The following RYR3 variants were observed in gnomAD, a reference collection of about 807,000 sequenced individuals.
The protein encoded by RYR3 is brain ryanodine receptor-calcium release channel.
Under a neutral mutation model 584.3 loss-of-function variants are expected in RYR3, and 207 were observed. The observed-to-expected ratio is 0.35, with a 90% CI of 0.32 to 0.40. RYR3 has a LOEUF of 0.40. Among genes scored for constraint, RYR3 ranks in the 10% least tolerant of loss-of-function variants. The pLI, the probability that RYR3 is intolerant of heterozygous loss-of-function variation, is 1.00. For missense variants in RYR3, 5,616 were observed against 6,089.2 expected (o/e 0.92, Z 2.59); for synonymous variants, 2,416 against 2,248.5 (o/e 1.07, Z -2.11).
chr15:33,362,559 C>T (rs1481448399), intron 1 of RYR3, among the ~76,000 whole-genome samples: 1 of 152,162 alleles, frequency 6.6e-6, no homozygotes, highest in Non-Finnish European at 1.5e-5. Context: ...TTTATTGGTT[C>T]CCAGTGTCCT....
chr15:33,490,088 C>T (rs1361625555), intron 2 of RYR3, among the ~76,000 whole-genome samples: 2 of 152,176 alleles, frequency 1.3e-5, no homozygotes, highest in African/African-American at 4.8e-5. Flanking sequence ...ACAAAACACC[C>T]TTGGGAATTT....
intron 18 of RYR3, among the ~76,000 whole-genome samples, chr15:33,612,116 G>A (rs1454450288): frequency 6.6e-6 from 1 of 152,158 alleles, no homozygotes; most frequent in African/African-American, 2.4e-5. Flanking sequence ...AAACCTGAGA[G>A]GGGAGGGGTA....
intron 46 of RYR3, among the ~76,000 whole-genome samples, chr15:33,726,861 C>T (rs972991439): frequency 5.3e-5 from 8 of 152,228 alleles, no homozygotes; most frequent in Admixed American, 4.6e-4. Flanking sequence ...ATTGTATTCC[C>T]AACACACAAA....
At chr15:33,389,133 C>A (rs1053959406) in intron 1 of RYR3, among the ~76,000 whole-genome samples, 1 of 150,964 alleles carries the variant, frequency 6.6e-6, no homozygotes, top group African/African-American at 2.4e-5. Context: ...TATTAAATGA[C>A]GAGTTAATGG....
chr15:33,570,208 G>GT (rs2057950008), intron 12 of RYR3, among the ~76,000 whole-genome samples: 1 of 151,984 alleles, frequency 6.6e-6, no homozygotes, highest in Non-Finnish European at 1.5e-5. Context: ...AAATTTTAGC[G>GT]TTTACATTTA....
At chr15:33,488,628 A>G (rs549745334) in intron 2 of RYR3, among the ~76,000 whole-genome samples, 49 of 152,252 alleles carry the variant, frequency 3.2e-4, no homozygotes, top group Admixed American at 7.8e-4. Context: ...CAAGGCGGGC[A>G]GATCACAAGG....
At chr15:33,700,455 G>A (rs756583147) in intron 41 of RYR3, among the ~76,000 whole-genome samples, 7 of 152,232 alleles carry the variant, frequency 4.6e-5, no homozygotes, top group Non-Finnish European at 8.8e-5. Context: ...AGTTTCACGG[G>A]TTTTTATTTC....
intron 72 of RYR3, among the ~76,000 whole-genome samples, chr15:33,812,004 A>G (rs2076578939): frequency 6.6e-6 from 1 of 152,176 alleles, no homozygotes. Flanking sequence ...AGGAAAAAAA[A>G]GGCAATAAAA....
At chr15:33,612,102 A>T (rs2060223517) in intron 18 of RYR3, among the ~76,000 whole-genome samples, 1 of 152,238 alleles carries the variant, frequency 6.6e-6, no homozygotes, top group Non-Finnish European at 1.5e-5. Context: ...TCTAATAGAA[A>T]TGTAAACCTG....
intron 103 of RYR3, among the ~76,000 whole-genome samples, chr15:33,864,533 G>C (rs139530054): frequency 4.6e-5 from 7 of 152,184 alleles, no homozygotes; most frequent in South Asian, 2.1e-4. Context: ...AACGGAGTGA[G>C]AGACAGGCTA....
chr15:33,421,663 G>A (rs187767339), intron 1 of RYR3, among the ~76,000 whole-genome samples: 1 of 152,266 alleles, frequency 6.6e-6, no homozygotes, highest in Admixed American at 6.5e-5. Context: ...AAATAACCTA[G>A]GTCATGCTGA....
chr15:33,344,601 T>C (rs1470111036), intron 1 of RYR3, among the ~76,000 whole-genome samples: 1 of 152,200 alleles, frequency 6.6e-6, no homozygotes, highest in Non-Finnish European at 1.5e-5. Flanking sequence ...TTCTTAAGAC[T>C]ACCATGTTCA....
At chr15:33,410,639 T>G (rs1437341483) in intron 1 of RYR3, among the ~76,000 whole-genome samples, 3 of 152,202 alleles carry the variant, frequency 2.0e-5, no homozygotes, top group Non-Finnish European at 2.9e-5. Flanking sequence ...ATAAATGTCT[T>G]TCAGAGGATT....
intron 10 of RYR3, among the ~76,000 whole-genome samples, chr15:33,560,402 A>G (rs2057337520): frequency 6.6e-6 from 1 of 152,188 alleles, no homozygotes; most frequent in Admixed American, 6.6e-5. Flanking sequence ...CTTTCTATAC[A>G]GAATAATGAT....
intron 67 of RYR3, among the ~76,000 whole-genome samples, chr15:33,797,149 T>C (rs1462712674): frequency 6.6e-6 from 1 of 152,136 alleles, no homozygotes; most frequent in Non-Finnish European, 1.5e-5. Context: ...ATGAGGACAA[T>C]GTGCCTTATT....
At chr15:33,582,373 T>A (rs111783725) in intron 14 of RYR3, among the ~76,000 whole-genome samples, 2,044 of 152,254 alleles carry the variant, frequency 0.013, 40 homozygotes, top group African/African-American at 0.046. Context: ...TAGGCCAGAA[T>A]GGAGCCCAGA....
intron 53 of RYR3, among the ~76,000 whole-genome samples, chr15:33,746,796 CT>C (rs1293281326): frequency 3.1e-5 from 4 of 129,316 alleles, no homozygotes; most frequent in South Asian, 3.3e-4. Context: ...TAATTTCTTT[CT>C]TTCTTCTTTT....
At chr15:33,513,615 G>A (rs1352130226) in intron 3 of RYR3, among the ~76,000 whole-genome samples, 2 of 152,192 alleles carry the variant, frequency 1.3e-5, no homozygotes, top group Non-Finnish European at 2.9e-5. Flanking sequence ...CCTGCTGTGG[G>A]TACTGCATGT....
At chr15:33,534,305 G>A (rs761223490) in intron 5 of RYR3, among the ~76,000 whole-genome samples, 7 of 152,254 alleles carry the variant, frequency 4.6e-5, no homozygotes, top group Non-Finnish European at 7.3e-5. Context: ...GGAGGCTGAG[G>A]TGGGAGAATC....
Sources: allele counts gnomAD v4.1 joint callset (sites outside exome capture counted in the v4.1 genomes callset), GRCh38; gene constraint gnomAD v4.1.1; transcripts MANE v1.5; gene names NCBI Gene and HGNC (gene_info 2026-07-23, HGNC 2026-07-21).